The following TP73 variants were observed in gnomAD, a reference collection of about 807,000 sequenced individuals.
TP73 encodes the protein p53-like transcription factor.
In TP73, 25 loss-of-function variants were observed where a neutral mutation model predicts 62.5. The observed-to-expected ratio is 0.40, with a 90% CI of 0.29 to 0.56. The LOEUF (loss-of-function observed/expected upper bound fraction) is 0.56. TP73 is among the 20% of genes least tolerant of loss of function. TP73 has a pLI of 0.46. For missense variants in TP73, 754 were observed against 913.3 expected, an observed-to-expected ratio of 0.83 and a Z score of 2.25; for synonymous variants, 423 against 377.5, an observed-to-expected ratio of 1.12 and a Z score of -1.40.
rs1052944810 is a variant in TP73 at position 3,670,853 on chromosome 1, G to A, written c.-33-11480G>A. On this transcript the variant is annotated intron_variant, in intron 1 of 13. Coordinates refer to ENST00000378295, the MANE Select transcript of TP73 (RefSeq NM_005427.4). This position sits in a 1 kb window ranked among gnomAD's most constrained non-coding sequence, Gnocchi z 5.9. ...ATGGATTCTGTCATCGCTTCTTCAC[G>A]GAGCACCTACTGTGTGCCAGGCGGG... Among the ~76,000 whole-genome samples, 5 of 152,120 alleles carry A rather than the reference G, an allele frequency of 3.3e-5. No individual in the cohort carries two copies. Among genetic ancestry groups the A allele is most frequent in the African/African-American group, 1.2e-4 (5 of 41,406 alleles).
rs780803430 is a variant in TP73, at chr1:3,672,389, G to C, written c.-33-9944G>C. ...CGGTGTGATCCCTTGGGGTAGAAAG[G>C]GGGTGTGAGAGGAGGATCGGAGGGG... is the stretch of plus-strand genomic sequence containing the variant. On this transcript the variant is annotated intron_variant, in intron 1 of 13. Transcript: ENST00000378295. The surrounding 1 kb of genome is among the most constrained non-coding windows in gnomAD (Gnocchi z 5.3). 2.4e-4 allele frequency among the ~76,000 whole-genome samples: 37 copies of C among 152,156 alleles called. No individual in the cohort carries two copies. The highest frequency in any genetic ancestry group is 5.3e-4 in the Non-Finnish European group (36 of 68,014).
chr1:3,695,742 C>G (rs936374706), intron 3 of TP73, among the ~76,000 whole-genome samples: 4 of 152,222 alleles, frequency 2.6e-5, no homozygotes, highest in Admixed American at 2.6e-4. Flanking sequence ...AACCAAGGGA[C>G]GCAGCTGGCA....
At chr1:3,712,322 G>A (rs955467483) in intron 4 of TP73, 1 of 152,248 alleles carries the variant, frequency 6.6e-6, no homozygotes, top group African/African-American at 2.4e-5. Context: ...AGCAGGGACG[G>A]AGCTTCCAGC....
chr1:3,727,514 G>A (rs577155986), intron 7 of TP73, 114 bp from the exon 8 acceptor site: 5 of 1,432,946 alleles, frequency 3.5e-6, no homozygotes, highest in South Asian at 2.6e-5. Flanking sequence ...GGTGCTCTGT[G>A]GTGACCGAGG....
intron 3 of TP73, among the ~76,000 whole-genome samples, chr1:3,705,081 G>C (rs1305527234): frequency 2.6e-5 from 4 of 152,218 alleles, no homozygotes; most frequent in African/African-American, 7.2e-5. Context: ...CTGTCTCCCA[G>C]GCTGGAGGGC....
rs1395168995 is a variant in TP73, at chr1:3,663,521, C to T, written c.-34+10880C>T. 6.6e-6 allele frequency among the ~76,000 whole-genome samples: 1 copy of T among 152,092 alleles called. No homozygotes were observed. Among genetic ancestry groups the T allele is most frequent in the African/African-American group, 2.4e-5 (1 of 41,408 alleles). ...ACTAGGTCAGGAGATCGAGACTATA[C>T]TGGCTCACACGGTGAAACCCCATCT... is the stretch of plus-strand genomic sequence containing the variant. On this transcript the variant is annotated intron_variant, in intron 1 of 13. Transcript: ENST00000378295. The surrounding 1 kb of genome is among the most constrained non-coding windows in gnomAD (Gnocchi z 4.7).
At chr1:3,668,941 G>A (rs1645180475) in intron 1 of TP73, among the ~76,000 whole-genome samples, 1 of 152,202 alleles carries the variant, frequency 6.6e-6, no homozygotes, top group African/African-American at 2.4e-5. Flanking sequence ...CAGGCGGCAG[G>A]TGCTGGCTCC....
In TP73 at chr1:3,730,911, C is replaced by A; in HGVS notation, c.1346-16C>A. The A allele has an allele frequency of 6.3e-7, 1 of 1,588,422 alleles. No homozygotes were observed. Among genetic ancestry groups the A allele is most frequent in the Admixed American group, 1.7e-5 (1 of 57,492 alleles). On this transcript the variant is annotated splice_polypyrimidine_tract_variant and intron_variant, in intron 11 of 13. Coordinates refer to ENST00000378295, the MANE Select transcript of TP73 (RefSeq NM_005427.4). Reference sequence around the variant, plus strand: ...CAGCCTGGCTGCCCTGATGGCCCCACCTGCCTCTCACCCAGGCCCCGGGAT... The same window carrying A: ...CAGCCTGGCTGCCCTGATGGCCCCAACTGCCTCTCACCCAGGCCCCGGGAT...
chr1:3,658,122 G>A (rs1282496539), intron 1 of TP73, among the ~76,000 whole-genome samples: 1 of 152,226 alleles, frequency 6.6e-6, no homozygotes, highest in Non-Finnish European at 1.5e-5. Flanking sequence ...GGGCCCTGCT[G>A]GGGCCAGAGC....
At position 3,709,709 on chromosome 1, in the gene TP73, C is replaced by T. The variant is rs112478102; in HGVS notation, c.429+1918C>T. 2.2e-3 allele frequency among the ~76,000 whole-genome samples: 341 copies of T among 152,344 alleles called. 4 individuals carry two copies. The highest frequency in any genetic ancestry group is 7.7e-3 in the African/African-American group (319 of 41,584). ...CCACACTCAGGCTTGTTGCCTAAGT[C>T]CACTCTCTCCCCTCTAAGGACACTG... On this transcript the variant is annotated intron_variant, in intron 4 of 13. Coordinates refer to ENST00000378295, the MANE Select transcript of TP73 (RefSeq NM_005427.4).
In TP73 at chr1:3,730,944, A is replaced by C. The variant is rs759990839; in HGVS notation, c.1363A>C (p.Asn455His). The C allele has an allele frequency of 4.4e-6, 7 of 1,608,768 alleles. No homozygotes were observed. Among genetic ancestry groups the C allele is most frequent in the South Asian group, 1.1e-5 (1 of 90,322 alleles). Residue 455 changes from asparagine to histidine, a missense_variant, in exon 12 of 14, where the codon AAC (asparagine) becomes CAC (histidine). Transcript: ENST00000378295. ...LGPVGPGMLN[N>H]HGHAVPANGE... is the part of the protein sequence containing the mutation. ...TCACCCAGGCCCCGGGATGCTCAAC[A>C]ACCATGGCCACGCAGTGCCAGCCAA...
chr1:3,671,858 GT>G (rs1332440112), intron 1 of TP73, among the ~76,000 whole-genome samples: 5 of 152,156 alleles, frequency 3.3e-5, no homozygotes, highest in Non-Finnish European at 7.4e-5. Flanking sequence ...GTGGACCCCC[GT>G]GATCGCTGCA....
chr1:3,704,348 C>T (rs1048566258), intron 3 of TP73, among the ~76,000 whole-genome samples: 1 of 152,140 alleles, frequency 6.6e-6, no homozygotes, highest in Non-Finnish European at 1.5e-5. Context: ...CCCTTGGAAT[C>T]GGGGTGCGCT....
Position 3,682,539 on chromosome 1 carries a change from G to T in TP73, c.65+109G>T, listed in dbSNP as rs189464525. The T allele has an allele frequency of 6.3e-4, 706 of 1,125,780 alleles. 2 individuals are homozygous for T. The African/African-American group carries it at 0.01, about 17-fold the overall frequency. 69.7% of individuals were successfully genotyped at this position (1,125,780 alleles called of 1,614,324 possible). ...GGGCCAGAGCAGGAGGGGTGGCCCC[G>T]GGAGGACTCTGGGCTAGCCCCAGCC... On this transcript the variant is annotated intron_variant, in intron 2 of 13. Transcript: ENST00000378295.
chr1:3,724,441 T>C (rs940320377), intron 6 of TP73, among the ~76,000 whole-genome samples: 1 of 146,804 alleles, frequency 6.8e-6, no homozygotes, highest in African/African-American at 2.6e-5. Flanking sequence ...GCCTCTACCC[T>C]GTACCCAGGC....
chr1:3,722,392 C>G (rs1293021088), intron 5 of TP73, among the ~76,000 whole-genome samples, 185 bp downstream of exon 5: 1 of 152,180 alleles, frequency 6.6e-6, no homozygotes, highest in Non-Finnish European at 1.5e-5. Context: ...CCTGGGGGGG[C>G]CCATGCTCCT....
chr1:3,716,441 G>A (rs925312642), intron 4 of TP73, among the ~76,000 whole-genome samples: 2 of 152,188 alleles, frequency 1.3e-5, no homozygotes, highest in African/African-American at 4.8e-5. Context: ...TCACTGCCTC[G>A]ACCATGGGAG....
In TP73 at chr1:3,663,486, C is replaced by T. The variant is rs1272440381; in HGVS notation, c.-34+10845C>T. On this transcript the variant is annotated intron_variant, in intron 1 of 13. Transcript: ENST00000378295. This position sits in a 1 kb window ranked among gnomAD's most constrained non-coding sequence, Gnocchi z 4.7. The stretch of plus-strand genomic sequence containing the variant: ...ATCCCAGCACTTTGGGAGGCTGAGT[C>T]GGGCGGATCACTAGGTCAGGAGATC... Among the ~76,000 whole-genome samples the T allele has an allele frequency of 2.0e-5, 3 of 152,052 alleles. No homozygotes were observed. The highest frequency in any genetic ancestry group is 2.4e-5 in the African/African-American group (1 of 41,398).
At chr1:3,705,816 T>C (rs1639578090) in intron 3 of TP73, among the ~76,000 whole-genome samples, 1 of 152,158 alleles carries the variant, frequency 6.6e-6, no homozygotes, top group African/African-American at 2.4e-5. Context: ...CCTTCTCCAT[T>C]GGATGCTGGA....
Sources: allele counts gnomAD v4.1 joint callset (sites outside exome capture counted in the v4.1 genomes callset), GRCh38; gene constraint gnomAD v4.1.1; non-coding constraint Gnocchi (gnomAD v3.1); transcripts MANE v1.5; gene names NCBI Gene and HGNC (gene_info 2026-07-23, HGNC 2026-07-21).